The following ZFHX4 variants were observed in gnomAD, a reference collection of about 807,000 sequenced individuals.
ZFHX4 encodes the protein zinc finger homeobox 4, also known as zinc finger homeobox protein 4.
A neutral mutation model predicts 267.6 loss-of-function variants in ZFHX4; 56 were observed. The observed-to-expected ratio is 0.21, with a 90% CI of 0.17 to 0.26. The LOEUF (loss-of-function observed/expected upper bound fraction) is 0.26, where lower values mean the gene tolerates loss of function less well. Among genes scored for constraint, ZFHX4 ranks in the 10% least tolerant of loss-of-function variants. ZFHX4 has a pLI of 1.00. For missense variants in ZFHX4, 4,332 were observed against 4,420.0 expected, an observed-to-expected ratio of 0.98 and a Z score of 0.56; for synonymous variants, 1,778 against 1,665.6, an observed-to-expected ratio of 1.07 and a Z score of -1.64.
intron 3 of ZFHX4, among the ~76,000 whole-genome samples, chr8:76,724,951 C>T (rs1252443790): frequency 6.6e-6 from 1 of 151,960 alleles, no homozygotes; most frequent in African/African-American, 2.4e-5. Context: ...TTCATAGCAG[C>T]ATATATTTTC....
chr8:76,681,445 C>CA lies in ZFHX4; in HGVS notation c.-221dup, dbSNP rs143306746. ...CCCCCGAGGACCGCTCCATGCCCCCCACTTTCTGCTCCAGCGTTTTTATTT... is the reference window on the plus strand; with the variant it reads ...CCCCCGAGGACCGCTCCATGCCCCCCAACTTTCTGCTCCAGCGTTTTTATTT... On this transcript the variant is annotated 5_prime_UTR_variant, in exon 1 of 11. An upstream open reading frame in the 5' UTR loses its in-frame stop. Transcript: ENST00000651372. 2.3e-3 allele frequency: 928 copies of CA among 398,754 alleles called. 11 individuals carry two copies. Among genetic ancestry groups the CA allele is most frequent in the African/African-American group, 0.018 (862 of 48,606 alleles). 24.7% of individuals were successfully genotyped at this position (398,754 alleles called of 1,614,324 possible). A position where few individuals can be genotyped will look rare whatever the true frequency, so the allele number is the denominator to read the frequency against.
rs544708286 is a variant in ZFHX4 at position 76,830,356 on chromosome 8, A to G, written c.3326-2982A>G. On this transcript the variant is annotated intron_variant, in intron 4 of 10. Coordinates refer to ENST00000651372, the MANE Select transcript of ZFHX4 (RefSeq NM_024721.5). ...CATTTTTTAAAAATACTATTAAAAC[A>G]ACGAAGGTCAGGGGCTGGAGAACAC... 5.9e-5 allele frequency among the ~76,000 whole-genome samples: 9 copies of G among 152,350 alleles called. No individual in the cohort carries two copies. In the South Asian group the frequency reaches 1.9e-3, roughly 32 times the overall value.
At chr8:76,716,539 C>T (rs1429373834) in intron 3 of ZFHX4, among the ~76,000 whole-genome samples, 3 of 152,196 alleles carry the variant, frequency 2.0e-5, no homozygotes, top group Admixed American at 2.0e-4. Context: ...CAGCTTATGC[C>T]CCTAGCCCAC....
chr8:76,691,843 A>G (rs1807832684), intron 1 of ZFHX4, among the ~76,000 whole-genome samples: 2 of 152,228 alleles, frequency 1.3e-5, no homozygotes, highest in Admixed American at 6.5e-5. Context: ...TTTTTTCCCA[A>G]TGGTTGTTTC....
chr8:76,831,938 T>C (rs1811943256), intron 4 of ZFHX4, among the ~76,000 whole-genome samples: 1 of 150,058 alleles, frequency 6.7e-6, no homozygotes. Context: ...CTTGTGGATT[T>C]ATAAGTAAAG....
intron 3 of ZFHX4, among the ~76,000 whole-genome samples, chr8:76,729,337 T>C (rs1048532159): frequency 1.3e-5 from 2 of 152,182 alleles, no homozygotes; most frequent in African/African-American, 4.8e-5. Flanking sequence ...GGATTAAGGC[T>C]GAAACGATGG....
chr8:76,819,037 G>A (rs1000133940), intron 4 of ZFHX4, among the ~76,000 whole-genome samples: 1 of 152,194 alleles, frequency 6.6e-6, no homozygotes, highest in South Asian at 2.1e-4. Flanking sequence ...AGCCTGATTA[G>A]GCATGGTGAA....
At chr8:76,776,970 A>G (rs1256639023) in intron 3 of ZFHX4, among the ~76,000 whole-genome samples, 2 of 152,194 alleles carry the variant, frequency 1.3e-5, no homozygotes, top group African/African-American at 2.4e-5. Flanking sequence ...GATCCTGTAT[A>G]TAAAGGTTTT....
intron 3 of ZFHX4, among the ~76,000 whole-genome samples, chr8:76,773,084 A>G (rs925575235): frequency 6.6e-6 from 1 of 152,156 alleles, no homozygotes; most frequent in African/African-American, 2.4e-5. Context: ...TGGATCTTCA[A>G]TGTCTTGCCC....
rs1563561032 is a variant in ZFHX4, at chr8:76,852,939, A to G, written c.6018A>G (p.Pro2006=). ...CTTCTCCAGAAACGCCGCCCCCGCC[A>G]CCTCCTCCTCCTCCCTTGCCTCCGG... ...SPSSPETPPP[P]PPPPPLPPAP... Residue 2006 remains proline (P), a synonymous_variant, in exon 10 of 11, where the codon CCA becomes CCG. Coordinates refer to ENST00000651372, the MANE Select transcript of ZFHX4 (RefSeq NM_024721.5). 1 of 1,581,964 alleles carries G rather than the reference A, an allele frequency of 6.3e-7. No homozygotes were observed. Among genetic ancestry groups the G allele is most frequent in the Admixed American group, 1.8e-5 (1 of 54,616 alleles).
chr8:76,855,728 T>A lies in ZFHX4; in HGVS notation c.8807T>A (p.Met2936Lys), dbSNP rs778714644. 1 of 1,613,844 alleles carries A rather than the reference T, an allele frequency of 6.2e-7. No homozygotes were observed. Among genetic ancestry groups the A allele is most frequent in the South Asian group, 1.1e-5 (1 of 91,080 alleles). Residue 2936 changes from methionine (M) to lysine (K), a missense_variant, in exon 10 of 11, where the codon ATG becomes AAG. Met to Lys is a moderately conservative substitution (Grantham distance 95). Coordinates refer to ENST00000651372, the MANE Select transcript of ZFHX4 (RefSeq NM_024721.5). ...RPGHKRFRTQ[M>K]SNLQLKVLKA... ...GGTCACAAGCGTTTTCGAACGCAAA[T>A]GAGCAATCTTCAACTCAAGGTTCTC... is the stretch of plus-strand genomic sequence containing the variant.
chr8:76,842,410 A>G (rs1383342917), intron 5 of ZFHX4, among the ~76,000 whole-genome samples: 1 of 152,192 alleles, frequency 6.6e-6, no homozygotes, highest in South Asian at 2.1e-4. Context: ...AAAAGAATTT[A>G]TTTTAATTTA....
intron 1 of ZFHX4, among the ~76,000 whole-genome samples, chr8:76,690,950 G>A (rs915612288): frequency 2.0e-5 from 3 of 151,968 alleles, no homozygotes; most frequent in African/African-American, 7.2e-5. Context: ...GTGGCCTTAC[G>A]ATCATTCAGT....
chr8:76,771,799 A>G (rs1475228925), intron 3 of ZFHX4, among the ~76,000 whole-genome samples: 1 of 152,182 alleles, frequency 6.6e-6, no homozygotes, highest in East Asian at 1.9e-4. Context: ...GATGGTGGCA[A>G]AATGTAGAGA....
At chr8:76,793,233 G>T (rs556799637) in intron 4 of ZFHX4, among the ~76,000 whole-genome samples, 3 of 152,202 alleles carry the variant, frequency 2.0e-5, no homozygotes, top group South Asian at 2.1e-4. Context: ...TTGATTAGGG[G>T]TGAAGTTGTG....
chr8:76,752,715 G>T (rs1254479964), intron 3 of ZFHX4, among the ~76,000 whole-genome samples: 1 of 151,488 alleles, frequency 6.6e-6, no homozygotes, highest in East Asian at 1.9e-4. Flanking sequence ...AACACCCCAT[G>T]CCCCCCACAT....
At chr8:76,716,851 T>C (rs1808588854) in intron 3 of ZFHX4, among the ~76,000 whole-genome samples, 1 of 152,170 alleles carries the variant, frequency 6.6e-6, no homozygotes, top group Non-Finnish European at 1.5e-5. Flanking sequence ...GTTTGGGTAT[T>C]TGGTATATTA....
intron 3 of ZFHX4, among the ~76,000 whole-genome samples, chr8:76,741,357 G>A (rs1266742500): frequency 1.3e-5 from 2 of 152,104 alleles, no homozygotes; most frequent in African/African-American, 4.8e-5. Context: ...CTACAGCTCT[G>A]TTAGGGGAGA....
intron 4 of ZFHX4, among the ~76,000 whole-genome samples, chr8:76,797,488 A>G (rs2098267604): frequency 6.6e-6 from 1 of 152,060 alleles, no homozygotes; most frequent in South Asian, 2.1e-4. Context: ...CCAATGAGCA[A>G]CTCTTATTGC....
Sources: allele counts gnomAD v4.1 joint callset (sites outside exome capture counted in the v4.1 genomes callset), GRCh38; gene constraint gnomAD v4.1.1; transcripts MANE v1.5; gene names NCBI Gene and HGNC (gene_info 2026-07-23, HGNC 2026-07-21).